The following SPPL2A variants were observed in gnomAD, a reference collection of about 807,000 sequenced individuals.
The protein encoded by SPPL2A is signal peptide peptidase-like 2A.
Under a neutral mutation model 63.8 loss-of-function variants are expected in SPPL2A, and 51 were observed. The ratio of observed to expected loss-of-function variants is 0.80; its 90% CI spans 0.64 to 1.01. The LOEUF is 1.01. Ranked by LOEUF, SPPL2A falls within the 50% of genes least tolerant of loss-of-function variation. The pLI, the probability that SPPL2A is intolerant of heterozygous loss-of-function variation, is 0.00. For missense variants in SPPL2A, 553 were observed against 622.7 expected (o/e 0.89, Z 1.19); for synonymous variants, 188 against 205.8 (o/e 0.91, Z 0.74).
intron 10 of SPPL2A, among the ~76,000 whole-genome samples, chr15:50,726,700 AT>A (rs983197464): frequency 1.9e-4 from 29 of 152,228 alleles, no homozygotes; most frequent in African/African-American, 6.8e-4. Flanking sequence ...TGGGTTAAAA[AT>A]TTTAGGTACA....
chr15:50,724,738 T>C lies in SPPL2A; in HGVS notation c.1249+483A>G, dbSNP rs1042947938. ...AACTACACTGTCAGAGCAGACATGC[T>C]AAGAGATGGTGATCAGTTCCACTAT... On this transcript the variant is annotated intron_variant, in intron 12 of 14. Coordinates refer to ENST00000261854, the MANE Select transcript of SPPL2A (RefSeq NM_032802.4). Among the ~76,000 whole-genome samples the C allele has an allele frequency of 4.6e-5, 7 of 152,342 alleles. No homozygotes were observed. The East Asian group carries it at 1.3e-3, about 29-fold the overall frequency.
At chr15:50,713,830 C>A (rs1596375393) in intron 14 of SPPL2A, among the ~76,000 whole-genome samples, 1 of 152,090 alleles carries the variant, frequency 6.6e-6, no homozygotes, top group African/African-American at 2.4e-5. Flanking sequence ...AACCAACAAA[C>A]AACAAAACAA....
Position 50,748,879 on chromosome 15 carries a change from A to C in SPPL2A, c.178-9T>G, listed in dbSNP as rs754854023. The C allele has an allele frequency of 3.2e-6, 5 of 1,548,530 alleles. No homozygotes were observed. The highest frequency in any genetic ancestry group is 4.4e-6 in the Non-Finnish European group (5 of 1,146,716). On this transcript the variant is annotated splice_polypyrimidine_tract_variant and intron_variant, in intron 2 of 14. Transcript: ENST00000261854. Reference sequence around the variant, plus strand: ...ATCAAACTAATGGAAGTCTGAAAATAAGAAATGTCTTTTTAACATGTTAAA... The same window carrying C: ...ATCAAACTAATGGAAGTCTGAAAATCAGAAATGTCTTTTTAACATGTTAAA...
At chr15:50,752,968 T>C (rs1220818629) in intron 1 of SPPL2A, among the ~76,000 whole-genome samples, 3 of 152,200 alleles carry the variant, frequency 2.0e-5, no homozygotes, top group South Asian at 2.1e-4. Flanking sequence ...TTGTAATACA[T>C]AGAATCTTGT....
chr15:50,749,488 G>A (rs550188455), intron 2 of SPPL2A, 148 bp downstream of exon 2: 141 of 593,482 alleles, frequency 2.4e-4, no homozygotes, highest in South Asian at 1.1e-3. Flanking sequence ...GGGTTTCACC[G>A]TGTTAGCCAG....
intron 5 of SPPL2A, among the ~76,000 whole-genome samples, chr15:50,745,510 C>T (rs1459732992): frequency 6.6e-6 from 1 of 151,196 alleles, no homozygotes; most frequent in Non-Finnish European, 1.5e-5. Flanking sequence ...AAGTGAACTG[C>T]CCACCTGACC....
chr15:50,753,889 C>T (rs1290017494), intron 1 of SPPL2A, among the ~76,000 whole-genome samples: 2 of 152,010 alleles, frequency 1.3e-5, no homozygotes, highest in East Asian at 1.9e-4. Context: ...CTCCGCCTCC[C>T]GAGTTCAAGC....
chr15:50,759,044 G>A (rs2141062914), intron 1 of SPPL2A, among the ~76,000 whole-genome samples: 1 of 152,166 alleles, frequency 6.6e-6, no homozygotes, highest in South Asian at 2.1e-4. Flanking sequence ...GGGACTACAG[G>A]CATGATCCAC....
chr15:50,725,424 T>A, intron 11 of SPPL2A, 101 bp from the exon 12 acceptor site: 1 of 696,564 alleles, frequency 1.4e-6, no homozygotes, highest in South Asian at 1.8e-5. Flanking sequence ...TTTTATTTAC[T>A]AATTTATTTT....
At chr15:50,740,697 G>C (rs567842055) in intron 5 of SPPL2A, among the ~76,000 whole-genome samples, 1 of 151,928 alleles carries the variant, frequency 6.6e-6, no homozygotes, top group Admixed American at 6.6e-5. Context: ...TGAAACCTCT[G>C]CCTCCCAGGT....
intron 1 of SPPL2A, among the ~76,000 whole-genome samples, chr15:50,758,522 G>T (rs1008981812): frequency 7.3e-5 from 11 of 151,574 alleles, no homozygotes; most frequent in African/African-American, 2.7e-4. Flanking sequence ...TAGAGATGGG[G>T]TTTCACCATG....
intron 5 of SPPL2A, among the ~76,000 whole-genome samples, chr15:50,741,317 GTTTA>G (rs1396671437): frequency 6.8e-6 from 1 of 146,980 alleles, no homozygotes; most frequent in Non-Finnish European, 1.5e-5. Flanking sequence ...GGTTAAAAAA[GTTTA>G]TTTATTTTAA....
In SPPL2A at chr15:50,748,883, A is replaced by C. The variant is rs781174782; in HGVS notation, c.178-13T>G. On this transcript the variant is annotated splice_polypyrimidine_tract_variant and intron_variant, in intron 2 of 14. Transcript: ENST00000261854. ...AACTAATGGAAGTCTGAAAATAAGA[A>C]ATGTCTTTTTAACATGTTAAAAATC... 4.5e-6 allele frequency: 7 copies of C among 1,539,102 alleles called. No individual in the cohort carries two copies. In the Admixed American group the frequency reaches 1.5e-4, roughly 33 times the overall value.
chr15:50,736,727 T>C lies in SPPL2A; in HGVS notation c.747A>G (p.Ile249Met), dbSNP rs1320130468. Residue 249 changes from isoleucine to methionine, a missense_variant, in exon 7 of 15, where the codon ATA (isoleucine) becomes ATG (methionine). Ile to Met is a conservative substitution (Grantham distance 10). Transcript: ENST00000261854. Reference sequence around the variant, plus strand: ...TTGCTGATGCTATGCAGAAAATTGCTATCATAACATAAACTGAAAAAAACA... The same window carrying C: ...TTGCTGATGCTATGCAGAAAATTGCCATCATAACATAAACTGAAAAAAACA... ...FFYKWLVYVMIAIFCIASAMS... is the reference protein window; with the variant it reads ...FFYKWLVYVMMAIFCIASAMS... 3 of 1,597,576 alleles carry C rather than the reference T, an allele frequency of 1.9e-6. No homozygotes were observed. The highest frequency in any genetic ancestry group is 2.6e-6 in the Non-Finnish European group (3 of 1,166,066).
chr15:50,742,958 A>G (rs1474235400), intron 5 of SPPL2A: 1 of 152,206 alleles, frequency 6.6e-6, no homozygotes, highest in African/African-American at 2.4e-5. Flanking sequence ...GGCCAGCTAA[A>G]TTACTTGGGA....
intron 8 of SPPL2A, among the ~76,000 whole-genome samples, chr15:50,735,661 C>T (rs1403192980): frequency 1.3e-5 from 2 of 151,920 alleles, no homozygotes; most frequent in African/African-American, 2.4e-5. Context: ...CTGCAACCTC[C>T]GCCTCCCGGG....
chr15:50,764,646 A>G (rs2063041950), intron 1 of SPPL2A: 1 of 152,214 alleles, frequency 6.6e-6, no homozygotes, highest in South Asian at 2.1e-4. Flanking sequence ...AGTAAAAGTC[A>G]CTAGAAACAA....
intron 1 of SPPL2A, among the ~76,000 whole-genome samples, chr15:50,752,649 T>C (rs1334383813): frequency 6.7e-6 from 1 of 149,702 alleles, no homozygotes; most frequent in Non-Finnish European, 1.5e-5. Flanking sequence ...ACCTGGGTAG[T>C]GGAGGTTGCA....
chr15:50,731,501 G>A (rs1026703215), intron 9 of SPPL2A, among the ~76,000 whole-genome samples: 2 of 151,514 alleles, frequency 1.3e-5, no homozygotes, highest in South Asian at 2.1e-4. Flanking sequence ...AGCTGAGATC[G>A]TGCCACTGCA....
Sources: allele counts gnomAD v4.1 joint callset (sites outside exome capture counted in the v4.1 genomes callset), GRCh38; gene constraint gnomAD v4.1.1; transcripts MANE v1.5; gene names NCBI Gene and HGNC (gene_info 2026-07-23, HGNC 2026-07-21).